Variants in ALG13 observed in about 807,000 individuals in gnomAD.
ALG13 encodes the protein UDP-N-acetylglucosamine transferase subunit ALG13.
In ALG13, 11 loss-of-function variants were observed where a neutral mutation model predicts 87.8. The ratio of observed to expected loss-of-function variants is 0.13; its 90% CI spans 0.08 to 0.21. The LOEUF is 0.21. ALG13 is among the 10% of genes least tolerant of loss of function. The pLI is 1.00. For synonymous variants in ALG13, 320 were observed against 306.3 expected (o/e 1.04, Z -0.47); for missense variants, 756 against 866.1 (o/e 0.87, Z 1.60).
At chrX:111,700,392 C>A (rs771306210) in intron 3 of ALG13, among the ~76,000 whole-genome samples, 1 of 110,339 alleles carries the variant, frequency 9.1e-6, no homozygotes, top group South Asian at 3.8e-4. Context: ...GCTCTGGCTA[C>A]GATTTGTATG....
chrX:111,682,454 T>C (rs978274012), intron 2 of ALG13, among the ~76,000 whole-genome samples, 160 bp downstream of exon 2: 1 of 112,130 alleles, frequency 8.9e-6, no homozygotes, highest in Non-Finnish European at 1.9e-5. Flanking sequence ...CCATTAGCTT[T>C]TTATCCTGAT....
chrX:111,713,346 C>G (rs780691331), intron 8 of ALG13, 49 bp downstream of exon 8: 17 of 845,666 alleles, frequency 2.0e-5, no homozygotes, highest in Non-Finnish European at 2.6e-5. Flanking sequence ...TTGAATGATG[C>G]TTCTGGCTTG....
At chrX:111,703,593 T>C (rs1191178363) in intron 3 of ALG13, among the ~76,000 whole-genome samples, 3 of 112,279 alleles carry the variant, frequency 2.7e-5, no homozygotes, top group African/African-American at 9.7e-5. Context: ...TTGGCCTTTT[T>C]CAATGTCATA....
intron 14 of ALG13, 56 bp downstream of exon 14, chrX:111,723,954 C>T (rs1602725198): frequency 1.9e-5 from 15 of 777,567 alleles, no homozygotes; most frequent in South Asian, 5.6e-5. Flanking sequence ...GGTTCCATTT[C>T]GTAATATTAA....
At position 111,718,353 on chromosome X, in the gene ALG13, G is replaced by T; in HGVS notation, c.1250+79G>T. The T allele has an allele frequency of 4.5e-6, 4 of 892,298 alleles. No individual in the cohort carries two copies. The South Asian group carries it at 1.1e-4, about 24-fold the overall frequency. 73.5% of individuals were successfully genotyped at this position (892,298 alleles called of 1,213,427 possible). Reference sequence around the variant, plus strand: ...AATCATTTGAAAGTGGAAGGGGCCTGGCAAGCTTATGAGTTAGGTTACATA... The same window carrying T: ...AATCATTTGAAAGTGGAAGGGGCCTTGCAAGCTTATGAGTTAGGTTACATA... On this transcript the variant is annotated intron_variant, in intron 10 of 26. Transcript: ENST00000394780.
intron 22 of ALG13, 77 bp downstream of exon 22, chrX:111,735,199 C>A: frequency 1.5e-6 from 1 of 654,818 alleles, no homozygotes; most frequent in Non-Finnish European, 2.4e-6. Flanking sequence ...CATTTACCTT[C>A]ATCATACTTC....
At chrX:111,688,114 C>T in intron 3 of ALG13, 1 of 857,421 alleles carries the variant, frequency 1.2e-6, no homozygotes, top group Non-Finnish European at 1.4e-6. Flanking sequence ...TAATAAACTT[C>T]CTACATCTAT....
intron 3 of ALG13, among the ~76,000 whole-genome samples, chrX:111,694,236 A>G (rs896906507): frequency 1.8e-5 from 2 of 109,397 alleles, no homozygotes; most frequent in Non-Finnish European, 3.8e-5. Context: ...TGGTAGAGAC[A>G]GGGTTTCACC....
chrX:111,755,214 A>G (rs894332512), intron 25 of ALG13, among the ~76,000 whole-genome samples: 2 of 112,091 alleles, frequency 1.8e-5, no homozygotes, highest in Non-Finnish European at 3.8e-5. Context: ...TGCTGGGAAA[A>G]CTGGCTAGCC....
At chrX:111,752,274 T>G (rs1435709614) in intron 24 of ALG13, among the ~76,000 whole-genome samples, 2 of 111,952 alleles carry the variant, frequency 1.8e-5, no homozygotes, top group African/African-American at 3.2e-5. Context: ...AATAAAAATT[T>G]TATTTGGTAA....
rs374965658 is a variant in ALG13 at position 111,728,325 on chromosome X, A to G, written c.2368+20A>G. On this transcript the variant is annotated intron_variant, in intron 19 of 26. Transcript: ENST00000394780. Reference sequence around the variant, plus strand: ...AAAATGGTGAGTCAATTACAGTTAAATATTTTTTAAAAGATTCTTGTGGCA... The same window carrying G: ...AAAATGGTGAGTCAATTACAGTTAAGTATTTTTTAAAAGATTCTTGTGGCA... The G allele has an allele frequency of 5.0e-6, 6 of 1,205,811 alleles. No homozygotes were observed. The highest frequency in any genetic ancestry group is 6.7e-6 in the Non-Finnish European group (6 of 892,918).
At chrX:111,688,311 T>C in intron 3 of ALG13, 1 of 731,007 alleles carries the variant, frequency 1.4e-6, no homozygotes, top group Non-Finnish European at 1.6e-6. Context: ...TTCACAAAGA[T>C]TATAAATGTA....
chrX:111,691,157 A>G (rs747124262), intron 3 of ALG13, among the ~76,000 whole-genome samples: 29 of 110,929 alleles, frequency 2.6e-4, no homozygotes, highest in African/African-American at 9.2e-4. Flanking sequence ...CTGGAGTGCA[A>G]TGGCGTGATC....
At chrX:111,742,860 C>T (rs775403063) in intron 23 of ALG13, among the ~76,000 whole-genome samples, 1 of 112,378 alleles carries the variant, frequency 8.9e-6, no homozygotes, top group African/African-American at 3.2e-5. Context: ...GAATGCATTA[C>T]GTTGATTTCT....
intron 25 of ALG13, chrX:111,753,141 C>A: frequency 5.9e-6 from 1 of 169,883 alleles, no homozygotes; most frequent in Non-Finnish European, 1.1e-5. Flanking sequence ...TGTTCTGTCT[C>A]AAAATAAATG....
Position 111,730,397 on chromosome X carries a change from C to T in ALG13, c.2371C>T (p.Arg791Ter). 1.7e-6 allele frequency: 2 copies of T among 1,208,517 alleles called. No homozygotes were observed. Among genetic ancestry groups the T allele is most frequent in the Non-Finnish European group, 2.2e-6 (2 of 893,124 alleles). ...EEGNGQSENG[R>*]YHEEYLYRAE... ...TCTGTCTTGTCTTTTTTCCCCAGGG[C>T]GATATCATGAAGAATATCTTTATCG... The change falls in exon 20 of 27, where the codon CGA becomes TGA. Residue 791 changes from arginine to a stop codon, truncating the protein, a stop_gained and splice_region_variant. Coordinates refer to ENST00000394780, the MANE Select transcript of ALG13 (RefSeq NM_001099922.3). LOFTEE classifies it high-confidence loss of function.
At chrX:111,719,025 CTTT>C (rs1174274292) in intron 10 of ALG13, among the ~76,000 whole-genome samples, 10 of 82,408 alleles carry the variant, frequency 1.2e-4, no homozygotes, top group African/African-American at 5.6e-4. Context: ...AATTTTTTTT[CTTT>C]TTTTTTTTTT....
intron 23 of ALG13, among the ~76,000 whole-genome samples, chrX:111,738,499 C>T (rs777250277): frequency 6.9e-4 from 77 of 112,063 alleles, no homozygotes; most frequent in African/African-American, 2.2e-3. Context: ...TCTGTATGTA[C>T]AGCAGATAAT....
At chrX:111,743,297 C>A (rs1460874806) in intron 23 of ALG13, among the ~76,000 whole-genome samples, 2 of 111,786 alleles carry the variant, frequency 1.8e-5, no homozygotes, top group Non-Finnish European at 3.8e-5. Context: ...TAAAAAAAAT[C>A]TGTATCTAGA....
Sources: gnomAD v4.1 joint callset for allele counts (sites outside exome capture counted in the v4.1 genomes callset) on GRCh38, gnomAD v4.1.1 for gene constraint, MANE v1.5 for transcripts, NCBI Gene and HGNC (gene_info 2026-07-23, HGNC 2026-07-21) for gene names.